SLC2A12: variants seen among roughly 807,000 people sequenced by gnomAD.
SLC2A12 encodes the protein solute carrier family 2 member 12.
A neutral mutation model predicts 41.8 loss-of-function variants in SLC2A12; 23 were observed. The observed-to-expected ratio is 0.55, with a 90% CI of 0.40 to 0.78. The LOEUF (loss-of-function observed/expected upper bound fraction) is 0.78. SLC2A12 is among the 30% of genes least tolerant of loss of function. The pLI is 0.00. For missense variants in SLC2A12, 654 were observed against 745.6 expected, an observed-to-expected ratio of 0.88 and a Z score of 1.43; for synonymous variants, 295 against 285.9, an observed-to-expected ratio of 1.03 and a Z score of -0.32.
chr6:134,032,689 C>T (rs564186584), intron 1 of SLC2A12, among the ~76,000 whole-genome samples: 3 of 135,166 alleles, frequency 2.2e-5, no homozygotes, highest in Admixed American at 7.8e-5. Context: ...CCTGTCCATT[C>T]GGGGTTTTGA....
chr6:134,022,625 C>T (rs2114464530), intron 2 of SLC2A12, among the ~76,000 whole-genome samples: 1 of 152,244 alleles, frequency 6.6e-6, no homozygotes, highest in South Asian at 2.1e-4. Context: ...TTCTAATCTC[C>T]TTTTCATCTG....
At chr6:134,036,626 C>T (rs1469505063) in intron 1 of SLC2A12, among the ~76,000 whole-genome samples, 2 of 152,094 alleles carry the variant, frequency 1.3e-5, no homozygotes, top group African/African-American at 2.4e-5. Context: ...CAATGTTTGT[C>T]GAGTGAATGA....
At chr6:133,996,374 G>C (rs566564493) in intron 4 of SLC2A12, among the ~76,000 whole-genome samples, 1 of 152,326 alleles carries the variant, frequency 6.6e-6, no homozygotes, top group African/African-American at 2.4e-5. Context: ...TTTGTAGCTT[G>C]CAAGGCAGAA....
At chr6:134,023,861 G>T (rs1777077972) in intron 2 of SLC2A12, among the ~76,000 whole-genome samples, 1 of 152,214 alleles carries the variant, frequency 6.6e-6, no homozygotes, top group African/African-American at 2.4e-5. Flanking sequence ...TCTTAGGCCA[G>T]AGTCTGTTAC....
intron 3 of SLC2A12, among the ~76,000 whole-genome samples, chr6:134,005,123 C>T (rs1202862029): frequency 3.3e-5 from 5 of 152,132 alleles, no homozygotes; most frequent in African/African-American, 9.7e-5. Context: ...GAAAACAAGG[C>T]GAATGCTTCT....
In SLC2A12 at chr6:134,048,139, A is replaced by C. The variant is rs369133723; in HGVS notation, c.103+4239T>G. On this transcript the variant is annotated intron_variant, in intron 1 of 4. Transcript: ENST00000275230. Reference sequence around the variant, plus strand: ...ATTTGCCCAGTGCTCACAGTGGTGAAAAGCCTCAAATCTAGACTTTTGATG... The same window carrying C: ...ATTTGCCCAGTGCTCACAGTGGTGACAAGCCTCAAATCTAGACTTTTGATG... Among the ~76,000 whole-genome samples, 21 of 152,338 alleles carry C rather than the reference A, an allele frequency of 1.4e-4. No individual in the cohort carries two copies. In the South Asian group the frequency reaches 1.5e-3, roughly 11 times the overall value.
At position 133,991,200 on chromosome 6, in the gene SLC2A12, C is replaced by CT. The variant is rs752430717; in HGVS notation, c.1808dup (p.Leu604AlafsTer4). 6.2e-7 allele frequency: 1 copy of CT among 1,614,096 alleles called. No individual in the cohort carries two copies. The highest frequency in any genetic ancestry group is 8.5e-7 in the Non-Finnish European group (1 of 1,180,006). On this transcript the variant is annotated frameshift_variant, in exon 5 of 5. Coordinates refer to ENST00000275230, the MANE Select transcript of SLC2A12 (RefSeq NM_145176.3). LOFTEE classifies it high-confidence loss of function. ...GCCTGGATTGGCCCCTACCACACAG[C>CT]TTGTTACACTCCAAGAGCTGCTCCT...
chr6:134,051,787 C>G (rs534467823), intron 1 of SLC2A12, among the ~76,000 whole-genome samples: 3 of 152,188 alleles, frequency 2.0e-5, no homozygotes, highest in African/African-American at 2.4e-5. Flanking sequence ...GCAAAGCAAG[C>G]GTTTCAGGCT....
intron 2 of SLC2A12, among the ~76,000 whole-genome samples, chr6:134,012,506 C>A (rs1005121795): frequency 2.6e-5 from 4 of 152,098 alleles, no homozygotes; most frequent in Non-Finnish European, 5.9e-5. Flanking sequence ...AATTTATAAG[C>A]CAACAGCTAA....
intron 2 of SLC2A12, 92 bp downstream of exon 2, chr6:134,028,289 G>A (rs1777140817): frequency 6.8e-7 from 1 of 1,460,372 alleles, no homozygotes; most frequent in Non-Finnish European, 9.2e-7. Context: ...TGTTATCCTT[G>A]TCTTCCTTCT....
At chr6:134,012,090 C>T (rs1776894069) in intron 2 of SLC2A12, among the ~76,000 whole-genome samples, 1 of 152,160 alleles carries the variant, frequency 6.6e-6, no homozygotes, top group South Asian at 2.1e-4. Flanking sequence ...AGGATAGCAT[C>T]CCCAACATTG....
Position 134,028,759 on chromosome 6 carries a change from C to A in SLC2A12, c.1066G>T (p.Ala356Ser), listed in dbSNP as rs369725918. The A allele has an allele frequency of 4.3e-5, 69 of 1,614,086 alleles. No individual in the cohort carries two copies. The highest frequency in any genetic ancestry group is 5.6e-5 in the Non-Finnish European group (66 of 1,180,036). Residue 356 changes from alanine (A) to serine (S), a missense_variant, in exon 2 of 5, where the codon GCT becomes TCT. Physicochemically the swap from Ala to Ser is moderately conservative, Grantham distance 99. This residue lies in a region of SLC2A12 where 411 missense variants were observed against 412.1 expected (regional missense o/e 1.00). Coordinates refer to ENST00000275230, the MANE Select transcript of SLC2A12 (RefSeq NM_145176.3). ...ACGATGCCCATGGTCACCAACGAAG[C>A]TGCCATCACAGAGGAGCCAATGCAG... ...FLCIGSSVMA[A>S]SLVTMGIVNL...
intron 1 of SLC2A12, among the ~76,000 whole-genome samples, chr6:134,041,662 A>G (rs1273114637): frequency 6.6e-6 from 1 of 152,058 alleles, no homozygotes; most frequent in East Asian, 1.9e-4. Context: ...TCAAATGAGG[A>G]TGCACAGCGG....
intron 1 of SLC2A12, among the ~76,000 whole-genome samples, chr6:134,050,426 A>T (rs1208487195): frequency 6.6e-6 from 1 of 152,234 alleles, no homozygotes; most frequent in Non-Finnish European, 1.5e-5. Context: ...TATGGTACTT[A>T]TTCATTTATT....
chr6:134,043,070 G>A (rs1054745881), intron 1 of SLC2A12, among the ~76,000 whole-genome samples: 6 of 152,052 alleles, frequency 3.9e-5, no homozygotes, highest in Admixed American at 3.9e-4. Flanking sequence ...TTTTCAGGAT[G>A]GGCCTACCTA....
chr6:134,050,767 G>T (rs1394935108), intron 1 of SLC2A12, among the ~76,000 whole-genome samples: 1 of 152,040 alleles, frequency 6.6e-6, no homozygotes, highest in Non-Finnish European at 1.5e-5. Flanking sequence ...TTGGAGAAAA[G>T]AACTTTGCAA....
chr6:134,017,887 C>G, intron 2 of SLC2A12, among the ~76,000 whole-genome samples: 1 of 151,846 alleles, frequency 6.6e-6, no homozygotes, highest in Non-Finnish European at 1.5e-5. Context: ...GAAGAGTGGA[C>G]ATTTGTATGT....
rs1423532627 is a variant in SLC2A12, at chr6:134,028,562, G to A, written c.1263C>T (p.Pro421=). 6.2e-7 allele frequency: 1 copy of A among 1,614,122 alleles called. No homozygotes were observed. The change falls in exon 2 of 5, where the codon CCC becomes CCT. Residue 421 remains proline, a synonymous_variant. Transcript: ENST00000275230. The stretch of plus-strand genomic sequence containing the variant: ...CTCTCTTATCCACATCATTTCTCAG[G>A]GGCATGAGTGAGCTTCTGCTATGGG... ...ISSHSRSSLM[P]LRNDVDKRGE...
chr6:134,011,388 G>A lies in SLC2A12; in HGVS notation c.1445-4454C>T, dbSNP rs1025307188. Among the ~76,000 whole-genome samples, 6 of 151,986 alleles carry A rather than the reference G, an allele frequency of 3.9e-5. No individual in the cohort carries two copies. In the East Asian group the frequency reaches 7.7e-4, roughly 20 times the overall value. On this transcript the variant is annotated intron_variant, in intron 2 of 4. Coordinates refer to ENST00000275230, the MANE Select transcript of SLC2A12 (RefSeq NM_145176.3). ...TGTAATCCTAGCACTTTGGGAGGTCGAGGCAGGTGGATCGCTTGAGCCCAG... is the reference window on the plus strand; with the variant it reads ...TGTAATCCTAGCACTTTGGGAGGTCAAGGCAGGTGGATCGCTTGAGCCCAG...
Sources: allele counts gnomAD v4.1 joint callset (sites outside exome capture counted in the v4.1 genomes callset), GRCh38; gene constraint gnomAD v4.1.1; regional missense constraint gnomAD v4.1.1; transcripts MANE v1.5; gene names NCBI Gene and HGNC (gene_info 2026-07-23, HGNC 2026-07-21).